The following ATP9B variants were observed in gnomAD, a reference collection of about 807,000 sequenced individuals.
The protein encoded by ATP9B is probable phospholipid-transporting ATPase IIB.
A neutral mutation model predicts 146.1 loss-of-function variants in ATP9B; 110 were observed. The ratio of observed to expected loss-of-function variants is 0.75; its 90% confidence interval spans 0.65 to 0.88. The LOEUF (loss-of-function observed/expected upper bound fraction) is 0.88, where lower values mean the gene tolerates loss of function less well. ATP9B is among the 40% of genes least tolerant of loss of function. ATP9B has a pLI of 0.00. For synonymous variants in ATP9B, 604 were observed against 569.7 expected, an observed-to-expected ratio of 1.06 and a Z score of -0.86; for missense variants, 1,499 against 1,496.4, an observed-to-expected ratio of 1.00 and a Z score of -0.03.
chr18:79,149,789 A>AAT (rs1205149172), intron 6 of ATP9B, among the ~76,000 whole-genome samples: 1 of 152,202 alleles, frequency 6.6e-6, no homozygotes, highest in African/African-American at 2.4e-5. Flanking sequence ...ACAGATAGAA[A>AAT]ATAAACACAT....
At chr18:79,302,459 C>T (rs1242900062) in intron 13 of ATP9B, among the ~76,000 whole-genome samples, 1 of 152,138 alleles carries the variant, frequency 6.6e-6, no homozygotes, top group Non-Finnish European at 1.5e-5. Flanking sequence ...TGCACACACC[C>T]CCGGGGACAA....
At chr18:79,216,803 G>C (rs1223821680) in intron 11 of ATP9B, among the ~76,000 whole-genome samples, 1 of 152,144 alleles carries the variant, frequency 6.6e-6, no homozygotes, top group African/African-American at 2.4e-5. Flanking sequence ...GGTGTCTTTG[G>C]AGTTTTACAG....
At chr18:79,143,768 T>C in intron 5 of ATP9B, 34 bp from the exon 6 acceptor site, 1 of 1,445,664 alleles carries the variant, frequency 6.9e-7, no homozygotes, top group Admixed American at 2.3e-5. Flanking sequence ...TGCTGTTGTT[T>C]CCTTGAGTTG....
chr18:79,117,223 G>A (rs567215249), intron 4 of ATP9B: 1 of 152,162 alleles, frequency 6.6e-6, no homozygotes, highest in African/African-American at 2.4e-5. Context: ...TTCATGTCCA[G>A]CCATAGTCTA....
intron 13 of ATP9B, among the ~76,000 whole-genome samples, chr18:79,300,366 T>G (rs2096582526): frequency 6.6e-6 from 1 of 151,990 alleles, no homozygotes; most frequent in South Asian, 2.1e-4. Flanking sequence ...CACCCTGCAG[T>G]GCTTGCAAAG....
chr18:79,278,576 A>G (rs2096340625), intron 13 of ATP9B, among the ~76,000 whole-genome samples: 1 of 152,296 alleles, frequency 6.6e-6, no homozygotes, highest in Admixed American at 6.5e-5. Flanking sequence ...TATTATCTCA[A>G]AAGTAGAAAT....
chr18:79,297,791 G>A (rs1160239168), intron 13 of ATP9B, among the ~76,000 whole-genome samples: 1 of 148,492 alleles, frequency 6.7e-6, no homozygotes, highest in African/African-American at 2.5e-5. Flanking sequence ...ACACTGTCGT[G>A]TAATAATTGT....
chr18:79,282,212 C>T (rs965402485), intron 13 of ATP9B, among the ~76,000 whole-genome samples: 1 of 152,126 alleles, frequency 6.6e-6, no homozygotes, highest in Non-Finnish European at 1.5e-5. Flanking sequence ...GGAGAAGATG[C>T]TATGAATGTT....
intron 9 of ATP9B, chr18:79,194,387 C>T (rs1383895151): frequency 1.3e-5 from 2 of 152,092 alleles, no homozygotes; most frequent in Non-Finnish European, 2.9e-5. Context: ...TTTGAAAAGT[C>T]GGAAATGTTC....
At chr18:79,356,603 C>T (rs552575115) in intron 25 of ATP9B, among the ~76,000 whole-genome samples, 9 of 152,340 alleles carry the variant, frequency 5.9e-5, no homozygotes, top group East Asian at 5.8e-4. Flanking sequence ...CAGAGAATTG[C>T]GCTGTGTAAA....
At position 79,177,709 on chromosome 18, in the gene ATP9B, T is replaced by C. The variant is rs566507960; in HGVS notation, c.873+802T>C. On this transcript the variant is annotated intron_variant, in intron 8 of 29. Coordinates refer to ENST00000426216, the MANE Select transcript of ATP9B (RefSeq NM_198531.5). ...TGTTTTTAATTTTCACTTAGGCACA[T>C]AAAAGTGTTTTTCTTTCTTCTATTT... Among the ~76,000 whole-genome samples, 36 of 151,870 alleles carry C rather than the reference T, an allele frequency of 2.4e-4. 1 individual carries two copies. The highest frequency in any genetic ancestry group is 3.8e-4 in the Non-Finnish European group (26 of 67,982).
In ATP9B at chr18:79,343,293, C is replaced by T. The variant is rs144452468; in HGVS notation, c.2382+927C>T. ...TTAAATTTTTCACAATAAAACCTAC[C>T]TATTTAAAGATGAGTCTGAGATTGT... On this transcript the variant is annotated intron_variant, in intron 20 of 29. Coordinates refer to ENST00000426216, the MANE Select transcript of ATP9B (RefSeq NM_198531.5). Among the ~76,000 whole-genome samples the T allele has an allele frequency of 3.3e-3, 507 of 152,210 alleles. 3 individuals are homozygous for T. The highest frequency in any genetic ancestry group is 0.01 in the Middle Eastern group (3 of 294).
chr18:79,362,913 T>G (rs1235372960), intron 26 of ATP9B: 1 of 152,264 alleles, frequency 6.6e-6, no homozygotes, highest in Non-Finnish European at 1.5e-5. Flanking sequence ...TCACTAATTT[T>G]TATTTTCTGT....
In ATP9B at chr18:79,336,153, C is replaced by T. The variant is rs376432436; in HGVS notation, c.2029-475C>T. Among the ~76,000 whole-genome samples the T allele has an allele frequency of 1.8e-3, 268 of 150,438 alleles. 4 individuals carry two copies. The highest frequency in any genetic ancestry group is 4.4e-3 in the South Asian group (21 of 4,760). The stretch of plus-strand genomic sequence containing the variant: ...TCCCCTCGCCCGTCCCCAGCACCGC[C>T]GTGTGCACCCTCTGTGCCCTCCCTG... On this transcript the variant is annotated intron_variant, in intron 17 of 29. Transcript: ENST00000426216.
intron 4 of ATP9B, among the ~76,000 whole-genome samples, chr18:79,118,399 T>TTG (rs2094129370): frequency 7.9e-6 from 1 of 126,064 alleles, no homozygotes; most frequent in Non-Finnish European, 1.7e-5. Flanking sequence ...TGTTTTTTTT[T>TTG]TTTTTTTTTT....
chr18:79,347,531 C>T (rs2096896759), intron 23 of ATP9B, among the ~76,000 whole-genome samples: 1 of 152,222 alleles, frequency 6.6e-6, no homozygotes, highest in Non-Finnish European at 1.5e-5. Flanking sequence ...CACCTATGGT[C>T]TGTCAGAGCC....
intron 4 of ATP9B, among the ~76,000 whole-genome samples, chr18:79,121,497 A>G (rs1196028715): frequency 1.3e-5 from 2 of 152,218 alleles, no homozygotes; most frequent in African/African-American, 4.8e-5. Flanking sequence ...TCCATAAACC[A>G]CCAATCTGTA....
rs778424595 is a variant in ATP9B, at chr18:79,373,971, C to G, written c.3144C>G (p.Thr1048=). The G allele has an allele frequency of 6.2e-7, 1 of 1,614,010 alleles. No homozygotes were observed. Among genetic ancestry groups the G allele is most frequent in the South Asian group, 1.1e-5 (1 of 91,066 alleles). ...TCCACGTGGTGGCCATCTCCTTCAC[C>G]GCACTGATCCTGACCGAGCTGCTGA... The part of the protein sequence containing the change: ...EFVHVVAISF[T]ALILTELLMV... Residue 1048 remains threonine, a synonymous_variant, in exon 28 of 30, where the codon ACC becomes ACG. Coordinates refer to ENST00000426216, the MANE Select transcript of ATP9B (RefSeq NM_198531.5).
intron 19 of ATP9B, 26 bp from the exon 20 acceptor site, chr18:79,342,242 A>AT (rs775211341): frequency 6.4e-7 from 1 of 1,556,716 alleles, no homozygotes; most frequent in Non-Finnish European, 8.9e-7. Flanking sequence ...TCTTGTTGAA[A>AT]TTCACCAGTT....
Sources: allele counts gnomAD v4.1 joint callset (sites outside exome capture counted in the v4.1 genomes callset), GRCh38; gene constraint gnomAD v4.1.1; transcripts MANE v1.5; gene names NCBI Gene and HGNC (gene_info 2026-07-23, HGNC 2026-07-21).